The following CNBD1 variants were observed in gnomAD, a reference collection of about 807,000 sequenced individuals.
CNBD1 encodes cyclic nucleotide binding domain containing 1.
In CNBD1, 71 loss-of-function variants were observed where a neutral mutation model predicts 54.4. That is an observed-to-expected ratio of 1.30 (90% CI 1.08 to 1.59). The LOEUF (loss-of-function observed/expected upper bound fraction) is 1.59, where lower values mean the gene tolerates loss of function less well. CNBD1 is among the 40% of genes most tolerant of loss of function. The probability of loss-of-function intolerance (pLI) is 0.00; values close to 1 mark genes in which losing one functional copy is unlikely to be tolerated. For synonymous variants in CNBD1, 182 were observed against 170.7 expected (o/e 1.07, Z -0.51); for missense variants, 659 against 518.0 (o/e 1.27, Z -2.64).
chr8:87,266,640 G>T (rs1014987613), intron 6 of CNBD1, among the ~76,000 whole-genome samples: 2 of 151,212 alleles, frequency 1.3e-5, no homozygotes, highest in Non-Finnish European at 2.9e-5. Flanking sequence ...AGTAGAGAAG[G>T]GGTTTCTCTC....
intron 3 of CNBD1, among the ~76,000 whole-genome samples, chr8:86,907,934 GTTA>G (rs1809043081): frequency 6.6e-6 from 1 of 152,136 alleles, no homozygotes; most frequent in African/African-American, 2.4e-5. Flanking sequence ...CACTATTACA[GTTA>G]TTGATCAACA....
intron 4 of CNBD1, among the ~76,000 whole-genome samples, chr8:87,082,831 T>A (rs945768629): frequency 4.6e-5 from 7 of 152,198 alleles, no homozygotes; most frequent in Non-Finnish European, 1.5e-5. Flanking sequence ...TCAATTTAGG[T>A]CTCCTTTTGG....
chr8:87,327,923 G>T lies in CNBD1; in HGVS notation c.1043-23762G>T, dbSNP rs111618906. Among the ~76,000 whole-genome samples, 950 of 152,176 alleles carry T rather than the reference G, an allele frequency of 6.2e-3. 6 individuals are homozygous for T. The highest frequency in any genetic ancestry group is 0.017 in the Middle Eastern group (5 of 294). On this transcript the variant is annotated intron_variant, in intron 8 of 10. Transcript: ENST00000518476. ...GAGTTGATTTTTGTGTATTGTGTAA[G>T]GTAAGAGTCTGTGTGATTTTTTTTT...
intron 6 of CNBD1, among the ~76,000 whole-genome samples, chr8:87,241,929 T>C (rs1199657079): frequency 6.6e-6 from 1 of 152,016 alleles, no homozygotes; most frequent in South Asian, 2.1e-4. Flanking sequence ...AAATAAAAAA[T>C]AAAATTCTAA....
chr8:87,265,527 T>C (rs982834454), intron 6 of CNBD1, among the ~76,000 whole-genome samples: 5 of 152,096 alleles, frequency 3.3e-5, no homozygotes, highest in African/African-American at 9.7e-5. Context: ...TCACATAAGA[T>C]AATGGGATAA....
intron 8 of CNBD1, among the ~76,000 whole-genome samples, chr8:87,328,496 A>T (rs1809741887): frequency 6.6e-6 from 1 of 151,732 alleles, no homozygotes; most frequent in South Asian, 2.1e-4. Context: ...CTAGTAACAT[A>T]CTGCTTTGAT....
chr8:86,935,913 G>T (rs1809538796), intron 3 of CNBD1, among the ~76,000 whole-genome samples: 2 of 152,052 alleles, frequency 1.3e-5, no homozygotes, highest in Admixed American at 1.3e-4. Flanking sequence ...GGAGGTGGAG[G>T]CAGGAGTGGA....
intron 4 of CNBD1, among the ~76,000 whole-genome samples, chr8:86,974,140 T>C (rs1808287281): frequency 1.3e-5 from 2 of 152,158 alleles, no homozygotes; most frequent in South Asian, 4.1e-4. Context: ...ATGACAAATG[T>C]ACATATGAAG....
intron 6 of CNBD1, among the ~76,000 whole-genome samples, chr8:87,260,091 A>C (rs1007068352): frequency 8.5e-5 from 13 of 152,198 alleles, no homozygotes; most frequent in Admixed American, 8.5e-4. Flanking sequence ...AAAAAATCTT[A>C]GCTACTGAGC....
downstream of CNBD1, among the ~76,000 whole-genome samples, chr8:87,384,102 A>G (rs1811140466): frequency 6.6e-6 from 1 of 152,096 alleles, no homozygotes; most frequent in South Asian, 2.1e-4. Flanking sequence ...TATAGTGAAC[A>G]TACTGATTGA....
At chr8:87,170,311 G>C (rs1813059157) in intron 4 of CNBD1, among the ~76,000 whole-genome samples, 1 of 152,014 alleles carries the variant, frequency 6.6e-6, no homozygotes. Context: ...TTTTGGCAGA[G>C]TCTTTATATA....
chr8:87,188,037 C>A (rs970918017), intron 4 of CNBD1, among the ~76,000 whole-genome samples: 15 of 152,144 alleles, frequency 9.9e-5, no homozygotes, highest in African/African-American at 3.1e-4. Flanking sequence ...CTCTCTGCTC[C>A]AACCACACTG....
In CNBD1 at chr8:86,972,509, A is replaced by G. The variant is rs1424068584; in HGVS notation, c.431+32755A>G. 2.0e-5 allele frequency among the ~76,000 whole-genome samples: 3 copies of G among 152,222 alleles called. No individual in the cohort carries two copies. The South Asian group carries it at 6.2e-4, about 31-fold the overall frequency. On this transcript the variant is annotated intron_variant, in intron 4 of 10. Transcript: ENST00000518476. ...TAACCTGAGTCTCTTCATTTTTAAA[A>G]AGGTGAAGCATTTAGCTAGTTCTTA... is the stretch of plus-strand genomic sequence containing the variant.
At chr8:87,356,888 A>C (rs938057403) in intron 10 of CNBD1, among the ~76,000 whole-genome samples, 1 of 152,138 alleles carries the variant, frequency 6.6e-6, no homozygotes, top group South Asian at 2.1e-4. Context: ...CTAGGAGGAA[A>C]GAATGTTTTG....
Position 87,084,672 on chromosome 8 carries a change from TTTTTC to T in CNBD1, c.432-121311_432-121307del, listed in dbSNP as rs1178398745. The stretch of plus-strand genomic sequence containing the variant: ...TATGATGTATTTAGTTTTCTTTCTT[TTTTTC>T]TTTTCTTTTTTTTTTTGAGATGGAG... On this transcript the variant is annotated intron_variant, in intron 4 of 10. Transcript: ENST00000518476. Among the ~76,000 whole-genome samples, 4 of 152,018 alleles carry T rather than the reference TTTTTC, an allele frequency of 2.6e-5. No homozygotes were observed. The East Asian group carries it at 7.7e-4, about 29-fold the overall frequency.
intron 8 of CNBD1, among the ~76,000 whole-genome samples, chr8:87,308,422 G>A (rs191894716): frequency 1.3e-5 from 2 of 152,172 alleles, no homozygotes; most frequent in East Asian, 3.9e-4. Context: ...TTTGAGCTTG[G>A]ATATGCTTTG....
chr8:87,425,610 T>G (rs1197015393), intron 2 of CNBD1, among the ~76,000 whole-genome samples: 1 of 151,958 alleles, frequency 6.6e-6, no homozygotes, highest in Non-Finnish European at 1.5e-5. Context: ...TGCTGGAGGG[T>G]GCCTCCCAGT....
At chr8:87,357,195 A>G (rs997173976) in intron 10 of CNBD1, among the ~76,000 whole-genome samples, 1 of 152,132 alleles carries the variant, frequency 6.6e-6, no homozygotes, top group Non-Finnish European at 1.5e-5. Flanking sequence ...GAGAAGTGCC[A>G]AAAGGAAATT....
At chr8:87,294,958 T>A (rs574920737) in intron 8 of CNBD1, among the ~76,000 whole-genome samples, 108 of 150,882 alleles carry the variant, frequency 7.2e-4, no homozygotes, top group Non-Finnish European at 1.1e-3. Context: ...TCTGTGACAA[T>A]TTTTTTTTAC....
Sources: gnomAD v4.1 joint callset for allele counts (sites outside exome capture counted in the v4.1 genomes callset) on GRCh38, gnomAD v4.1.1 for gene constraint, MANE v1.5 for transcripts, NCBI Gene and HGNC (gene_info 2026-07-23, HGNC 2026-07-21) for gene names.